Variants in ZFP36L2 observed in about 807,000 individuals in gnomAD.
ZFP36L2 encodes ZFP36 like 2 zinc finger CCCH-type.
ZFP36L2 carries 16 observed loss-of-function variants against 27.9 expected under a neutral mutation model. The observed-to-expected ratio is 0.57, with a 90% CI of 0.39 to 0.87. The LOEUF (loss-of-function observed/expected upper bound fraction) is 0.87, where lower values mean the gene tolerates loss of function less well. Among genes scored for constraint, ZFP36L2 ranks in the 40% least tolerant of loss-of-function variants. The pLI is 0.00. For missense variants in ZFP36L2, 989 were observed against 726.9 expected (o/e 1.36, Z -4.15); for synonymous variants, 600 against 363.8 (o/e 1.65, Z -7.39).
In ZFP36L2 at chr2:43,224,105, TAA is replaced by T. The variant is rs1269635093; in HGVS notation, c.*212_*213del. On this transcript the variant is annotated 3_prime_UTR_variant, in exon 2 of 2. Transcript: ENST00000282388. ...AAAGAATGAAACTTCGTAATAAAAA[TAA>T]AAAAAAAAAGACAAGAGGAAACCGA... is the stretch of plus-strand genomic sequence containing the variant. 6.2e-5 allele frequency: 18 copies of T among 290,100 alleles called. No homozygotes were observed. The highest frequency in any genetic ancestry group is 8.2e-5 in the Non-Finnish European group (14 of 171,058). The allele number at this position is 290,100 out of a possible 1,614,324, so 18.0% of individuals were successfully genotyped here.
chr2:43,225,048 G>C lies in ZFP36L2; in HGVS notation c.756C>G (p.Pro252=). ...AGAAGCTGAGGCTGTGGTGCAACTTGGGCCGCGGCTCCCGCGGGAAGCCCA... is the reference window on the plus strand; with the variant it reads ...AGAAGCTGAGGCTGTGGTGCAACTTCGGCCGCGGCTCCCGCGGGAAGCCCA... The part of the protein sequence containing the change: ...LHLGFPREPR[P]KLHHSLSFSG... Residue 252 remains proline (P), a synonymous_variant, in exon 2 of 2, where the codon CCC becomes CCG. Transcript: ENST00000282388. The C allele has an allele frequency of 2.5e-6, 4 of 1,595,102 alleles. No individual in the cohort carries two copies. Among genetic ancestry groups the C allele is most frequent in the East Asian group, 2.2e-5 (1 of 44,780 alleles).
chr2:43,226,182 G>T (rs1667099041), intron 1 of ZFP36L2, 83 bp downstream of exon 1: 1 of 1,520,238 alleles, frequency 6.6e-7, no homozygotes. Flanking sequence ...AGGGCGGGAG[G>T]GGCGTCCCCC....
intron 1 of ZFP36L2, 40 bp downstream of exon 1, chr2:43,226,225 T>G (rs1382054268): frequency 6.4e-7 from 1 of 1,557,388 alleles, no homozygotes; most frequent in Admixed American, 1.9e-5. Flanking sequence ...GTCCAAGAAC[T>G]ACAACGGCTG....
chr2:43,226,365 AG>A lies in ZFP36L2; in HGVS notation c.-51del. 1 of 1,553,764 alleles carries A rather than the reference AG, an allele frequency of 6.4e-7. No individual in the cohort carries two copies. The highest frequency in any genetic ancestry group is 8.7e-7 in the Non-Finnish European group (1 of 1,148,096). ...AGCGGCAGGCCGGGAGGTCGGGAGG[AG>A]CCCTTGGGGCGGCGTGGCCGGGCTT... On this transcript the variant is annotated 5_prime_UTR_variant, in exon 1 of 2. Transcript: ENST00000282388.
rs776984040 is a variant in ZFP36L2, at chr2:43,224,877, G to C, written c.927C>G (p.Ala309=). Residue 309 remains alanine, a synonymous_variant, in exon 2 of 2, where the codon GCC becomes GCG. Transcript: ENST00000282388. ...CSSSASSCSS[A]SAASTPSGAP... ...CGCCCGAGGGCGTGGAGGCCGCGGAGGCCGAGGAACAGGAGGAGGCGGAGG... is the reference window on the plus strand; with the variant it reads ...CGCCCGAGGGCGTGGAGGCCGCGGACGCCGAGGAACAGGAGGAGGCGGAGG... 6.6e-7 allele frequency: 1 copy of C among 1,510,810 alleles called. No homozygotes were observed. The allele number at this position is 1,510,810 out of a possible 1,614,324, so 93.6% of individuals were successfully genotyped here. A position where few individuals can be genotyped will look rare whatever the true frequency, so the allele number is the denominator to read the frequency against.
rs955034240 is a variant in ZFP36L2, at chr2:43,224,572, G to A, written c.1232C>T (p.Ala411Val). ...QGLAPPAQPP[A>V]PPSATLPAGA... is the part of the protein sequence containing the mutation. ...GGCGGGGAGGGTCGCGCTGGGCGGC[G>A]CCGGCGGCTGCGCGGGGGGCGCCAG... Residue 411 changes from alanine to valine, a missense_variant, in exon 2 of 2, where the codon GCG becomes GTG. Coordinates refer to ENST00000282388, the MANE Select transcript of ZFP36L2 (RefSeq NM_006887.5). The A allele has an allele frequency of 4.3e-4, 578 of 1,334,836 alleles. 4 individuals are homozygous for A. The highest frequency in any genetic ancestry group is 5.3e-4 in the Non-Finnish European group (559 of 1,049,652). The allele number at this position is 1,334,836 out of a possible 1,614,324, so 82.7% of individuals were successfully genotyped here.
chr2:43,226,196 A>T, intron 1 of ZFP36L2, 69 bp downstream of exon 1: 1 of 1,532,402 alleles, frequency 6.5e-7, no homozygotes, highest in Non-Finnish European at 8.8e-7. Flanking sequence ...GTCCCCCAGA[A>T]CCTGGGGACA....
At position 43,225,357 on chromosome 2, in the gene ZFP36L2, G is replaced by A. The variant is rs970841950; in HGVS notation, c.447C>T (p.Ile149=). ...GCTCGGTCTTGTAGCGCGTGGAGTTGATCTGGGAGCCGCCGCCCCCCTTCT... is the reference window on the plus strand; with the variant it reads ...GCTCGGTCTTGTAGCGCGTGGAGTTAATCTGGGAGCCGCCGCCCCCCTTCT... ...QQQKGGGGSQ[I]NSTRYKTELC... The change falls in exon 2 of 2, where the codon ATC becomes ATT. Residue 149 remains isoleucine (I), a synonymous_variant. Coordinates refer to ENST00000282388, the MANE Select transcript of ZFP36L2 (RefSeq NM_006887.5). 5 of 1,613,480 alleles carry A rather than the reference G, an allele frequency of 3.1e-6. No homozygotes were observed. Among genetic ancestry groups the A allele is most frequent in the Admixed American group, 3.3e-5 (2 of 60,016 alleles).
At position 43,224,438 on chromosome 2, in the gene ZFP36L2, G is replaced by C; in HGVS notation, c.1366C>G (p.Arg456Gly). 1.3e-6 allele frequency: 2 copies of C among 1,536,150 alleles called. No homozygotes were observed. The highest frequency in any genetic ancestry group is 1.2e-5 in the South Asian group (1 of 84,674). Reference sequence around the variant, plus strand: ...AGGGAGCCGCTTAGGTAGCTGTCGCGGTCCGACAGCGAGTCCGGGGGGCTG... The same window carrying C: ...AGGGAGCCGCTTAGGTAGCTGTCGCCGTCCGACAGCGAGTCCGGGGGGCTG... ...PPSPPDSLSD[R>G]DSYLSGSLSS... is the part of the protein sequence containing the mutation. The change falls in exon 2 of 2, where the codon CGC (arginine) becomes GGC (glycine). Residue 456 changes from arginine (R) to glycine (G), a missense_variant. Coordinates refer to ENST00000282388, the MANE Select transcript of ZFP36L2 (RefSeq NM_006887.5).
chr2:43,225,457 T>G lies in ZFP36L2; in HGVS notation c.347A>C (p.Glu116Ala), dbSNP rs780129013. ...AAACGAGCGGTCCCGGAATTTGTTC[T>G]CCTTGTTGAGCAGGGCTGTGCCGCC... ...GGGGTALLNK[E>A]NKFRDRSFSE... The change falls in exon 2 of 2, where the codon GAG (glutamate) becomes GCG (alanine). Residue 116 changes from glutamate (E) to alanine (A), a missense_variant. Transcript: ENST00000282388. The G allele has an allele frequency of 3.7e-6, 6 of 1,610,346 alleles. No homozygotes were observed. Among genetic ancestry groups the G allele is most frequent in the Non-Finnish European group, 4.2e-6 (5 of 1,178,676 alleles).
Position 43,225,181 on chromosome 2 carries a change from T to C in ZFP36L2, c.623A>G (p.Tyr208Cys). Residue 208 changes from tyrosine (Y) to cysteine (C), a missense_variant, in exon 2 of 2, where the codon TAT (tyrosine) becomes TGT (cysteine). Transcript: ENST00000282388. ...GTGGATGAAGTGGCAGCGCGGCCCA[T>C]AGGGGCAGAAGCCGATGGTATGAAA... Reference protein sequence around the residue: ...RTFHTIGFCPYGPRCHFIHNA... With the variant: ...RTFHTIGFCPCGPRCHFIHNA... 2 of 1,598,396 alleles carry C rather than the reference T, an allele frequency of 1.3e-6. No individual in the cohort carries two copies. The highest frequency in any genetic ancestry group is 1.7e-6 in the Non-Finnish European group (2 of 1,179,218).
At position 43,225,126 on chromosome 2, in the gene ZFP36L2, C is replaced by A. The variant is rs1283403257; in HGVS notation, c.678G>T (p.Ser226=). The A allele has an allele frequency of 1.9e-6, 3 of 1,594,574 alleles. No homozygotes were observed. The highest frequency in any genetic ancestry group is 2.5e-6 in the Non-Finnish European group (3 of 1,177,900). Residue 226 remains serine, a synonymous_variant, in exon 2 of 2, where the codon TCG becomes TCT. Coordinates refer to ENST00000282388, the MANE Select transcript of ZFP36L2 (RefSeq NM_006887.5). ...HNADERRPAP[S]GGASGDLRAF... is the part of the protein sequence containing the mutation. ...CACGCAGGTCCCCGGAGGCGCCCCC[C>A]GACGGCGCGGGCCGCCGCTCGTCCG...
At chr2:43,225,975 GT>G (rs1453612143) in intron 1 of ZFP36L2, among the ~76,000 whole-genome samples, 1 of 152,146 alleles carries the variant, frequency 6.6e-6, no homozygotes, top group East Asian at 1.9e-4. Context: ...GCCGCGCTGG[GT>G]TTCGACACGT....
rs540921240 is a variant in ZFP36L2 at position 43,224,316 on chromosome 2, G to C, written c.*3C>G. ...CCTTCCTCCTCACTGGCGCCCTCTT[G>C]CCTCAGTCGTCGGAGATGGAGAGGC... On this transcript the variant is annotated 3_prime_UTR_variant, in exon 2 of 2. Transcript: ENST00000282388. 2 of 1,570,100 alleles carry C rather than the reference G, an allele frequency of 1.3e-6. No homozygotes were observed. The highest frequency in any genetic ancestry group is 2.8e-5 in the African/African-American group (2 of 71,764).
Position 43,226,259 on chromosome 2 carries a change from G to T in ZFP36L2, c.51+6C>A. 6.3e-7 allele frequency: 1 copy of T among 1,577,968 alleles called. No homozygotes were observed. The highest frequency in any genetic ancestry group is 8.6e-7 in the Non-Finnish European group (1 of 1,160,992). On this transcript the variant is annotated splice_donor_region_variant and intron_variant, in intron 1 of 1. Coordinates refer to ENST00000282388, the MANE Select transcript of ZFP36L2 (RefSeq NM_006887.5). ...TGCTGCCGGCCGGGCCCGCTCCCTG[G>T]CCTACCTTGCACAAGAAGTCGACAT...
At position 43,226,508 on chromosome 2, in the gene ZFP36L2, G is replaced by A. The variant is rs916003807; in HGVS notation, c.-193C>T. 1.4e-5 allele frequency: 9 copies of A among 647,892 alleles called. No homozygotes were observed. The highest frequency in any genetic ancestry group is 1.4e-4 in the African/African-American group (7 of 51,130). 40.1% of individuals were successfully genotyped at this position (647,892 alleles called of 1,614,324 possible). A position where few individuals can be genotyped will look rare whatever the true frequency, so the allele number is the denominator to read the frequency against. The stretch of plus-strand genomic sequence containing the variant: ...CGGGAGGGTCCGGCGGAGTGCGGCA[G>A]GGGGGAAGGAGAGAAGCGAGGAGCG... On this transcript the variant is annotated 5_prime_UTR_variant, in exon 1 of 2. Transcript: ENST00000282388.
rs566245657 is a variant in ZFP36L2, at chr2:43,226,569, C to A, written c.-254G>T. Reference sequence around the variant, plus strand: ...CCCCGGGGTGCCCGGCCCGCCCCCCCCGCGGAGCCGACGGCAGCTCGCGGA... The same window carrying A: ...CCCCGGGGTGCCCGGCCCGCCCCCCACGCGGAGCCGACGGCAGCTCGCGGA... On this transcript the variant is annotated 5_prime_UTR_variant, in exon 1 of 2. Coordinates refer to ENST00000282388, the MANE Select transcript of ZFP36L2 (RefSeq NM_006887.5). 70 of 500,628 alleles carry A rather than the reference C, an allele frequency of 1.4e-4. No individual in the cohort carries two copies. Among genetic ancestry groups the A allele is most frequent in the African/African-American group, 1.2e-3 (56 of 48,302 alleles). The allele number at this position is 500,628 out of a possible 1,614,324, so 31.0% of individuals were successfully genotyped here. A position where few individuals can be genotyped will look rare whatever the true frequency, so the allele number is the denominator to read the frequency against.
Position 43,225,116 on chromosome 2 carries a change from A to G in ZFP36L2, c.688T>C (p.Ser230Pro), listed in dbSNP as rs1277117896. 1.3e-6 allele frequency: 2 copies of G among 1,594,116 alleles called. No homozygotes were observed. Among genetic ancestry groups the G allele is most frequent in the South Asian group, 1.1e-5 (1 of 90,758 alleles). The change falls in exon 2 of 2, where the codon TCC becomes CCC. Residue 230 changes from serine (S) to proline (P), a missense_variant. Ser to Pro is a moderately conservative substitution (Grantham distance 74, BLOSUM62 -1). Transcript: ENST00000282388. ...ERRPAPSGGA[S>P]GDLRAFGTRD... ...GTGCCAAAGGCACGCAGGTCCCCGG[A>G]GGCGCCCCCCGACGGCGCGGGCCGC...
chr2:43,226,221 G>A (rs779676950), intron 1 of ZFP36L2, 44 bp downstream of exon 1: 1 of 1,556,064 alleles, frequency 6.4e-7, no homozygotes, highest in Admixed American at 1.9e-5. Context: ...CAAAGTCCAA[G>A]AACTACAACG....
Sources: gnomAD v4.1 joint callset for allele counts (sites outside exome capture counted in the v4.1 genomes callset) on GRCh38, gnomAD v4.1.1 for gene constraint, MANE v1.5 for transcripts, NCBI Gene and HGNC (gene_info 2026-07-23, HGNC 2026-07-21) for gene names.